PTBP3: variants seen among roughly 807,000 people sequenced by gnomAD.
PTBP3 encodes the protein polypyrimidine tract-binding protein 3.
PTBP3 carries 20 observed loss-of-function variants against 58.7 expected under a neutral mutation model. The ratio of observed to expected loss-of-function variants is 0.34; its 90% CI spans 0.24 to 0.50. PTBP3 has a LOEUF of 0.50. Among genes scored for constraint, PTBP3 ranks in the 20% least tolerant of loss-of-function variants. The pLI is 0.98. For synonymous variants in PTBP3, 185 were observed against 219.8 expected (o/e 0.84, Z 1.40); for missense variants, 509 against 637.2 (o/e 0.80, Z 2.17).
intron 2 of PTBP3, among the ~76,000 whole-genome samples, chr9:112,291,628 C>A (rs1466596572): frequency 2.0e-5 from 3 of 152,134 alleles, no homozygotes; most frequent in Non-Finnish European, 2.9e-5. Flanking sequence ...AGAACAGTTT[C>A]TTCAACATAT....
At chr9:112,268,617 T>C (rs1390959318) in intron 3 of PTBP3, among the ~76,000 whole-genome samples, 1 of 147,678 alleles carries the variant, frequency 6.8e-6, no homozygotes, top group Non-Finnish European at 1.5e-5. Flanking sequence ...AGGGGCTGAG[T>C]AGGAGGACTG....
Position 112,304,490 on chromosome 9 carries a change from TTATAA to T in PTBP3, c.-51-6579_-51-6575del, listed in dbSNP as rs1470852674. 4.6e-5 allele frequency among the ~76,000 whole-genome samples: 7 copies of T among 152,376 alleles called. No homozygotes were observed. In the East Asian group the frequency reaches 1.3e-3, roughly 29 times the overall value. On this transcript the variant is annotated intron_variant, in intron 1 of 13. Transcript: ENST00000374257. ...TCATCTTAATATGAATTTTACAAAG[TTATAA>T]TATGAATCTATGCTCCGCTCTATTA... is the stretch of plus-strand genomic sequence containing the variant.
At chr9:112,368,976 G>A in the PTBP3 span, among the ~76,000 whole-genome samples, 1 of 152,248 alleles carries the variant, frequency 6.6e-6, no homozygotes, top group Non-Finnish European at 1.5e-5. Context: ...TTGCTTCAGA[G>A]GGTCCAATCC....
chr9:112,304,455 GATAA>G, intron 1 of PTBP3, among the ~76,000 whole-genome samples: 1 of 152,274 alleles, frequency 6.6e-6, no homozygotes, highest in Middle Eastern at 3.4e-3. Context: ...ATTTCATTTT[GATAA>G]ATCATTCATC....
intron 7 of PTBP3, among the ~76,000 whole-genome samples, chr9:112,236,035 G>GGGA (rs1835425999): frequency 6.6e-6 from 1 of 152,060 alleles, no homozygotes; most frequent in Non-Finnish European, 1.5e-5. Context: ...CCTCAAAGGG[G>GGGA]GGAGTTTGCT....
intron 6 of PTBP3, chr9:112,252,407 G>A: frequency 2.4e-6 from 1 of 412,780 alleles, no homozygotes; most frequent in Non-Finnish European, 4.4e-6. Flanking sequence ...GAGGAGTACT[G>A]TGTTCAATTC....
the PTBP3 span, among the ~76,000 whole-genome samples, chr9:112,365,233 T>C: frequency 3.3e-5 from 5 of 152,328 alleles, no homozygotes; most frequent in South Asian, 2.1e-4. Flanking sequence ...CATTCATCCA[T>C]TGATGGACAC....
intron 4 of PTBP3, among the ~76,000 whole-genome samples, chr9:112,266,526 ATATACATTG>A (rs1836806876): frequency 6.6e-6 from 1 of 152,210 alleles, no homozygotes; most frequent in Admixed American, 6.5e-5. Context: ...TTCCACGGCA[ATATACATTG>A]TATTGGATTG....
intron 1 of PTBP3, among the ~76,000 whole-genome samples, chr9:112,303,113 T>C (rs1056917862): frequency 6.6e-6 from 1 of 152,186 alleles, no homozygotes. Context: ...CTAATCTGGA[T>C]CTCTTGCTCA....
chr9:112,261,253 C>T (rs946732514), intron 5 of PTBP3, among the ~76,000 whole-genome samples: 1 of 152,126 alleles, frequency 6.6e-6, no homozygotes, highest in Non-Finnish European at 1.5e-5. Flanking sequence ...TTCACAAATG[C>T]ATATGTTTTA....
intron 2 of PTBP3, among the ~76,000 whole-genome samples, chr9:112,280,224 T>C (rs1282848013): frequency 6.6e-6 from 1 of 152,094 alleles, no homozygotes; most frequent in Non-Finnish European, 1.5e-5. Context: ...CCAGCTAATT[T>C]TTGTATTTTT....
At chr9:112,324,456 C>G (rs1333671140) in intron 1 of PTBP3, among the ~76,000 whole-genome samples, 1 of 152,144 alleles carries the variant, frequency 6.6e-6, no homozygotes, top group Non-Finnish European at 1.5e-5. Flanking sequence ...AGTTCAAGAT[C>G]AGCCTGGCTA....
At chr9:112,331,156 A>G (rs761077784) in intron 1 of PTBP3, among the ~76,000 whole-genome samples, 1 of 151,822 alleles carries the variant, frequency 6.6e-6, no homozygotes, top group Non-Finnish European at 1.5e-5. Context: ...AGGAGGAACT[A>G]GAAAGATATG....
At chr9:112,363,516 T>TCA in the PTBP3 span, among the ~76,000 whole-genome samples, 14,745 of 134,672 alleles carry the variant, frequency 0.11, 806 homozygotes, top group African/African-American at 0.15. Flanking sequence ...AGCAAAACTG[T>TCA]CACACACACA....
At position 112,280,436 on chromosome 9, in the gene PTBP3, A is replaced by G. The variant is rs142851506; in HGVS notation, c.35-4423T>C. 2.5e-3 allele frequency among the ~76,000 whole-genome samples: 382 copies of G among 152,324 alleles called. 2 individuals are homozygous for G. Among genetic ancestry groups the G allele is most frequent in the African/African-American group, 8.8e-3 (367 of 41,574 alleles). ...GTCTGCAAAATGTTGAATAGAATCA[A>G]TAAGACTAGGCATCCTTGCCTCGTT... On this transcript the variant is annotated intron_variant, in intron 2 of 13. Coordinates refer to ENST00000374257, the MANE Select transcript of PTBP3 (RefSeq NM_001163788.4).
intron 1 of PTBP3, among the ~76,000 whole-genome samples, chr9:112,319,385 A>G (rs1829831516): frequency 6.6e-6 from 1 of 152,110 alleles, no homozygotes; most frequent in Non-Finnish European, 1.5e-5. Flanking sequence ...AAAAATAAAA[A>G]AATAGCCAGG....
the PTBP3 span, among the ~76,000 whole-genome samples, chr9:112,347,001 G>A: frequency 7.2e-3 from 1,094 of 152,278 alleles, 19 homozygotes; most frequent in African/African-American, 0.025. Context: ...TGGGATTACA[G>A]GCCACTTTAG....
At chr9:112,320,314 A>ATATATATATATACTTT in intron 1 of PTBP3, among the ~76,000 whole-genome samples, 1 of 75,728 alleles carries the variant, frequency 1.3e-5, no homozygotes, top group Non-Finnish European at 2.3e-5. Flanking sequence ...ATATATATAT[A>ATATATATATATACTTT]TTTTTTTTTA....
At chr9:112,303,250 G>A (rs183203092) in intron 1 of PTBP3, among the ~76,000 whole-genome samples, 1 of 152,266 alleles carries the variant, frequency 6.6e-6, no homozygotes, top group African/African-American at 2.4e-5. Context: ...ACTAGTCACA[G>A]ATAAAATGGC....
Sources: gnomAD v4.1 joint callset for allele counts (sites outside exome capture counted in the v4.1 genomes callset) on GRCh38, gnomAD v4.1.1 for gene constraint, MANE v1.5 for transcripts, NCBI Gene and HGNC (gene_info 2026-07-23, HGNC 2026-07-21) for gene names.